SNX29: variants seen among roughly 807,000 people sequenced by gnomAD.
SNX29 encodes the protein sorting nexin 29, also known as sorting nexin-29.
SNX29 carries 78 observed loss-of-function variants against 102.1 expected under a neutral mutation model. The ratio of observed to expected loss-of-function variants is 0.76; its 90% CI spans 0.64 to 0.92. SNX29 has a LOEUF of 0.92. Among genes scored for constraint, SNX29 ranks in the 40% least tolerant of loss-of-function variants. The pLI is 0.00. For missense variants in SNX29, 1,280 were observed against 1,061.7 expected, an observed-to-expected ratio of 1.21 and a Z score of -2.86; for synonymous variants, 580 against 414.5, an observed-to-expected ratio of 1.40 and a Z score of -4.85.
At chr16:12,537,403 C>A (rs977526142) in intron 20 of SNX29, among the ~76,000 whole-genome samples, 1 of 152,214 alleles carries the variant, frequency 6.6e-6, no homozygotes, top group East Asian at 1.9e-4. Flanking sequence ...GCCAAACAGA[C>A]CTGGGCTCAA....
At chr16:12,535,929 G>C (rs961582408) in intron 20 of SNX29, among the ~76,000 whole-genome samples, 3 of 152,250 alleles carry the variant, frequency 2.0e-5, no homozygotes, top group Middle Eastern at 3.4e-3. Context: ...CTAGAAAATG[G>C]GGCTGGGGAG....
intron 13 of SNX29, among the ~76,000 whole-genome samples, chr16:12,181,883 CTTTTT>C (rs397854786): frequency 1.4e-5 from 2 of 141,292 alleles, no homozygotes; most frequent in South Asian, 2.2e-4. Context: ...GGGCTTCTGC[CTTTTT>C]TTTTTTTTTT....
At position 12,571,629 on chromosome 16, in the gene SNX29, T is replaced by TC. The variant is rs912630187; in HGVS notation, c.*3001dup. 28 of 1,058,916 alleles carry TC rather than the reference T, an allele frequency of 2.6e-5. No individual in the cohort carries two copies. Among genetic ancestry groups the TC allele is most frequent in the Middle Eastern group, 4.2e-4 (1 of 2,394 alleles). The allele number at this position is 1,058,916 out of a possible 1,614,324, so 65.6% of individuals were successfully genotyped here. On this transcript the variant is annotated 3_prime_UTR_variant, in exon 21 of 21. Coordinates refer to ENST00000566228, the MANE Select transcript of SNX29 (RefSeq NM_032167.5). ...AGGTTCCATCTTTCACATCTTTTTT[T>TC]CTCCCCCAGATGAAAGACGACTCAG...
rs116043069 is a variant in SNX29 at position 12,375,551 on chromosome 16, C to T, written c.1899+19272C>T. The T allele has an allele frequency of 8.4e-3, 1,275 of 152,282 alleles. 23 individuals carry two copies. Among genetic ancestry groups the T allele is most frequent in the African/African-American group, 0.028 (1,148 of 41,542 alleles). 9.4% of individuals were successfully genotyped at this position (152,282 alleles called of 1,614,324 possible). A position where few individuals can be genotyped will look rare whatever the true frequency, so the allele number is the denominator to read the frequency against. On this transcript the variant is annotated intron_variant, in intron 16 of 20. Coordinates refer to ENST00000566228, the MANE Select transcript of SNX29 (RefSeq NM_032167.5). The stretch of plus-strand genomic sequence containing the variant: ...GGAAGGATCTGCGTCCAAGCTAACC[C>T]GTGTGGTTGTTGGCAGGATTCAGTT...
At chr16:12,048,690 T>C (rs3960978) in intron 7 of SNX29, 70 bp downstream of exon 7, 1 of 1,613,052 alleles carries the variant, frequency 6.2e-7, no homozygotes, top group Non-Finnish European at 8.5e-7. Flanking sequence ...GGACATATCT[T>C]GTCATCTGAA....
At chr16:12,047,651 CTTTTTTTTTT>C (rs376623418) in intron 6 of SNX29, among the ~76,000 whole-genome samples, 13 of 126,622 alleles carry the variant, frequency 1.0e-4, no homozygotes, top group Non-Finnish European at 1.3e-4. Context: ...GGACCAAGGT[CTTTTTTTTTT>C]TTTTTTTTTT....
At chr16:12,016,496 G>A (rs1190868388) in intron 3 of SNX29, among the ~76,000 whole-genome samples, 1 of 152,132 alleles carries the variant, frequency 6.6e-6, no homozygotes, top group Admixed American at 6.6e-5. Flanking sequence ...TGCATAGTTA[G>A]TTTTATCTAG....
intron 14 of SNX29, among the ~76,000 whole-genome samples, chr16:12,248,058 T>A (rs1466509398): frequency 1.3e-5 from 2 of 152,142 alleles, no homozygotes; most frequent in Non-Finnish European, 2.9e-5. Context: ...CCCGCTGCCC[T>A]CCCTGCTTTC....
chr16:12,074,038 C>T (rs569825521), intron 10 of SNX29, among the ~76,000 whole-genome samples: 14 of 151,906 alleles, frequency 9.2e-5, no homozygotes, highest in Admixed American at 3.9e-4. Context: ...CTTCCTCCAT[C>T]CTTTTATTTT....
At chr16:11,978,768 A>G (rs2150956154) in intron 1 of SNX29, among the ~76,000 whole-genome samples, 1 of 152,210 alleles carries the variant, frequency 6.6e-6, no homozygotes, top group South Asian at 2.1e-4. Flanking sequence ...TCTTTCAAGG[A>G]GAAATAATAT....
chr16:12,089,309 T>G (rs1353283178), intron 11 of SNX29, among the ~76,000 whole-genome samples: 1 of 151,640 alleles, frequency 6.6e-6, no homozygotes, highest in African/African-American at 2.4e-5. Context: ...CCAGCCTGGG[T>G]GACAGAGCAA....
Position 12,216,780 on chromosome 16 carries a change from T to C in SNX29, c.1678+17097T>C, listed in dbSNP as rs545329748. 5.4e-4 allele frequency among the ~76,000 whole-genome samples: 77 copies of C among 143,652 alleles called. 1 individual carries two copies. The highest frequency in any genetic ancestry group is 3.8e-4 in the Non-Finnish European group (25 of 65,976). 94.2% of individuals were successfully genotyped at this position (143,652 alleles called of 152,430 possible). A position where few individuals can be genotyped will look rare whatever the true frequency, so the allele number is the denominator to read the frequency against. The stretch of plus-strand genomic sequence containing the variant: ...TGCTGAGTCTTCAAATTCACTCGCT[T>C]TCTCCATTTCTGTTGCTAAGTCTTC... On this transcript the variant is annotated intron_variant, in intron 14 of 20. Transcript: ENST00000566228.
At chr16:12,238,395 G>T (rs1596593108) in intron 14 of SNX29, among the ~76,000 whole-genome samples, 2 of 151,532 alleles carry the variant, frequency 1.3e-5, no homozygotes, top group East Asian at 3.9e-4. Flanking sequence ...GCATGATCTC[G>T]GCTCACTGCA....
At chr16:12,123,586 G>C (rs2054075075) in intron 11 of SNX29, among the ~76,000 whole-genome samples, 1 of 152,010 alleles carries the variant, frequency 6.6e-6, no homozygotes, top group African/African-American at 2.4e-5. Flanking sequence ...AAAAGAGAAG[G>C]AGTCTGAGGC....
chr16:12,287,112 T>C (rs1196829582), intron 15 of SNX29, among the ~76,000 whole-genome samples: 2 of 152,172 alleles, frequency 1.3e-5, no homozygotes, highest in Non-Finnish European at 2.9e-5. Flanking sequence ...AGCTCGGAGC[T>C]TTTCTGTCTT....
At chr16:12,509,801 C>T (rs2089529890) in intron 19 of SNX29, among the ~76,000 whole-genome samples, 1 of 152,190 alleles carries the variant, frequency 6.6e-6, no homozygotes, top group African/African-American at 2.4e-5. Context: ...TCCATTCCGC[C>T]ACATGAGTGA....
intron 14 of SNX29, among the ~76,000 whole-genome samples, chr16:12,237,314 G>C (rs2077966019): frequency 6.6e-6 from 1 of 152,236 alleles, no homozygotes; most frequent in Non-Finnish European, 1.5e-5. Flanking sequence ...CTTTGGGGAG[G>C]TGGGGAGCTG....
intron 15 of SNX29, among the ~76,000 whole-genome samples, chr16:12,296,502 T>C (rs2151081938): frequency 6.6e-6 from 1 of 152,376 alleles, no homozygotes; most frequent in South Asian, 2.1e-4. Context: ...AAGGGATCAA[T>C]AGTAAAATCT....
intron 6 of SNX29, among the ~76,000 whole-genome samples, chr16:12,047,214 A>G (rs567024682): frequency 1.3e-5 from 2 of 152,300 alleles, no homozygotes; most frequent in African/African-American, 2.4e-5. Flanking sequence ...ACGAGTCAAC[A>G]TGGAGAGACC....
Sources: gnomAD v4.1 joint callset for allele counts (sites outside exome capture counted in the v4.1 genomes callset) on GRCh38, gnomAD v4.1.1 for gene constraint, MANE v1.5 for transcripts, NCBI Gene and HGNC (gene_info 2026-07-23, HGNC 2026-07-21) for gene names.